Variants in ITFG1 observed in about 807,000 individuals in gnomAD.
ITFG1 encodes integrin alpha FG-GAP repeat containing 1, also known as T-cell immunomodulatory protein.
In ITFG1, 34 loss-of-function variants were observed where a neutral mutation model predicts 81.8. The observed-to-expected ratio is 0.42, with a 90% CI of 0.32 to 0.55. The LOEUF (loss-of-function observed/expected upper bound fraction) is 0.55. Ranked by LOEUF, ITFG1 falls within the 20% of genes least tolerant of loss-of-function variation. The pLI is 0.17. For missense variants in ITFG1, 672 were observed against 755.4 expected (o/e 0.89, Z 1.29); for synonymous variants, 285 against 270.6 (o/e 1.05, Z -0.52).
In ITFG1 at chr16:47,267,468, C is replaced by T. The variant is rs1166652262; in HGVS notation, c.1071-6773G>A. On this transcript the variant is annotated intron_variant, in intron 10 of 17. Transcript: ENST00000320640. ...ACAGACAAGTTCACAACTATAGTCA[C>T]GGATTCCAATATGTCTCTTTTAATA... Among the ~76,000 whole-genome samples the T allele has an allele frequency of 7.9e-5, 12 of 152,076 alleles. No individual in the cohort carries two copies. The South Asian group carries it at 1.9e-3, about 24-fold the overall frequency.
intron 5 of ITFG1, among the ~76,000 whole-genome samples, chr16:47,431,777 C>T (rs1399993140): frequency 6.6e-6 from 1 of 152,092 alleles, no homozygotes; most frequent in African/African-American, 2.4e-5. Context: ...ATTCAGTTTC[C>T]ATTAATATTA....
At chr16:47,413,937 C>T (rs1664778464) in intron 6 of ITFG1, among the ~76,000 whole-genome samples, 1 of 151,958 alleles carries the variant, frequency 6.6e-6, no homozygotes, top group South Asian at 2.1e-4. Context: ...TCTCCTGCCT[C>T]AGCCTCCCGA....
At position 47,404,230 on chromosome 16, in the gene ITFG1, T is replaced by A. The variant is rs527462875; in HGVS notation, c.655+24574A>T. Among the ~76,000 whole-genome samples the A allele has an allele frequency of 3.3e-5, 5 of 152,266 alleles. No homozygotes were observed. The South Asian group carries it at 6.2e-4, about 19-fold the overall frequency. On this transcript the variant is annotated intron_variant, in intron 6 of 17. Coordinates refer to ENST00000320640, the MANE Select transcript of ITFG1 (RefSeq NM_030790.5). ...ACCAGATTATGGTAAGTGCACTTAT[T>A]ACTGGGAGCCTTTCCAATCTGCCTT...
intron 7 of ITFG1, among the ~76,000 whole-genome samples, chr16:47,370,203 C>T (rs1968233805): frequency 6.6e-6 from 1 of 152,058 alleles, no homozygotes; most frequent in Admixed American, 6.6e-5. Context: ...GGGATGGGTC[C>T]CCGGTGAAAC....
At chr16:47,316,440 T>A (rs943416939) in intron 8 of ITFG1, among the ~76,000 whole-genome samples, 1 of 152,228 alleles carries the variant, frequency 6.6e-6, no homozygotes, top group Non-Finnish European at 1.5e-5. Flanking sequence ...TGTCCCTAAA[T>A]GTATCACTGT....
At chr16:47,184,172 G>A (rs1169991409) in intron 14 of ITFG1, among the ~76,000 whole-genome samples, 2 of 152,156 alleles carry the variant, frequency 1.3e-5, no homozygotes, top group East Asian at 1.9e-4. Context: ...TGAAAGTGAC[G>A]GGGAGAATGG....
At chr16:47,330,078 T>G (rs1271179046) in intron 8 of ITFG1, among the ~76,000 whole-genome samples, 1 of 151,918 alleles carries the variant, frequency 6.6e-6, no homozygotes, top group Non-Finnish European at 1.5e-5. Context: ...AAATGCCTGG[T>G]ACTGGTAAAA....
In ITFG1 at chr16:47,326,502, G is replaced by A. The variant is rs946960318; in HGVS notation, c.803-12679C>T. Among the ~76,000 whole-genome samples the A allele has an allele frequency of 3.9e-5, 6 of 152,088 alleles. 1 individual carries two copies. The highest frequency in any genetic ancestry group is 1.4e-4 in the African/African-American group (6 of 41,412). On this transcript the variant is annotated intron_variant, in intron 8 of 17. Coordinates refer to ENST00000320640, the MANE Select transcript of ITFG1 (RefSeq NM_030790.5). Reference sequence around the variant, plus strand: ...AATTAGGCAGGAGAAGGAAATAAAGGGCATTCAATTAGGAAAAGAGGAAGT... The same window carrying A: ...AATTAGGCAGGAGAAGGAAATAAAGAGCATTCAATTAGGAAAAGAGGAAGT...
intron 5 of ITFG1, 77 bp from the exon 6 acceptor site, chr16:47,428,975 G>T: frequency 1.3e-6 from 1 of 778,678 alleles, no homozygotes; most frequent in Non-Finnish European, 2.1e-6. Context: ...ATCTCTGCAT[G>T]CAAAACACTT....
intron 14 of ITFG1, among the ~76,000 whole-genome samples, chr16:47,185,435 C>T (rs937444300): frequency 2.0e-5 from 3 of 152,310 alleles, no homozygotes; most frequent in Admixed American, 6.5e-5. Flanking sequence ...TGCAATCAAA[C>T]TAGAACTCAG....
intron 10 of ITFG1, among the ~76,000 whole-genome samples, chr16:47,305,462 C>G (rs1596877486): frequency 6.6e-6 from 1 of 151,974 alleles, no homozygotes; most frequent in African/African-American, 2.4e-5. Flanking sequence ...CCTACAACTT[C>G]CCTCATGTGT....
intron 8 of ITFG1, among the ~76,000 whole-genome samples, chr16:47,334,303 C>T (rs1274572997): frequency 2.0e-5 from 3 of 152,046 alleles, no homozygotes; most frequent in Non-Finnish European, 4.4e-5. Flanking sequence ...TGGTGTGTGC[C>T]TGTAGTCCCA....
At position 47,166,282 on chromosome 16, in the gene ITFG1, T is replaced by C. The variant is rs538100649; in HGVS notation, c.1454-3618A>G. Among the ~76,000 whole-genome samples, 6 of 152,378 alleles carry C rather than the reference T, an allele frequency of 3.9e-5. No individual in the cohort carries two copies. In the South Asian group the frequency reaches 1.2e-3, roughly 32 times the overall value. On this transcript the variant is annotated intron_variant, in intron 14 of 17. Transcript: ENST00000320640. ...TAGGCTTCTGTTTTCCTGTTTATACTATTAAAATTGCCTATGCAATAAGCA... is the reference window on the plus strand; with the variant it reads ...TAGGCTTCTGTTTTCCTGTTTATACCATTAAAATTGCCTATGCAATAAGCA...
intron 14 of ITFG1, among the ~76,000 whole-genome samples, chr16:47,186,361 A>G (rs1965215780): frequency 6.6e-6 from 1 of 152,230 alleles, no homozygotes; most frequent in Admixed American, 6.5e-5. Flanking sequence ...AAAATCCTCA[A>G]TAAAATACTG....
chr16:47,365,661 G>A (rs1014264071), intron 8 of ITFG1, 127 bp downstream of exon 8: 7 of 579,484 alleles, frequency 1.2e-5, no homozygotes, highest in Non-Finnish European at 2.2e-5. Context: ...GGCATCTTTT[G>A]AAGCTATAAT....
intron 8 of ITFG1, among the ~76,000 whole-genome samples, chr16:47,342,290 C>G (rs1967794119): frequency 6.6e-6 from 1 of 152,082 alleles, no homozygotes. Flanking sequence ...TCTCAAGTGA[C>G]ACATAAAAGG....
intron 8 of ITFG1, among the ~76,000 whole-genome samples, chr16:47,326,909 T>A (rs1200753920): frequency 6.6e-6 from 1 of 152,092 alleles, no homozygotes; most frequent in African/African-American, 2.4e-5. Flanking sequence ...CCAAGGTAAT[T>A]TATAGATTCA....
chr16:47,232,960 A>C (rs916155998), intron 13 of ITFG1, among the ~76,000 whole-genome samples: 4 of 152,120 alleles, frequency 2.6e-5, no homozygotes, highest in African/African-American at 4.8e-5. Flanking sequence ...TATTATACTG[A>C]TTTATACTTT....
intron 7 of ITFG1, among the ~76,000 whole-genome samples, chr16:47,372,462 T>A (rs967542580): frequency 3.3e-5 from 5 of 151,836 alleles, no homozygotes; most frequent in South Asian, 4.2e-4. Context: ...TCTCTTTTTT[T>A]TTTTTTTATT....
Sources: allele counts gnomAD v4.1 joint callset (sites outside exome capture counted in the v4.1 genomes callset), GRCh38; gene constraint gnomAD v4.1.1; transcripts MANE v1.5; gene names NCBI Gene and HGNC (gene_info 2026-07-23, HGNC 2026-07-21).